Variants in WWOX observed in about 807,000 individuals in gnomAD.
WWOX encodes the protein WW domain containing oxidoreductase.
In WWOX, 69 loss-of-function variants were observed where a neutral mutation model predicts 46.2. That is an observed-to-expected ratio of 1.49 (90% CI 1.23 to 1.82). The LOEUF (loss-of-function observed/expected upper bound fraction) is 1.82, where lower values mean the gene tolerates loss of function less well. Ranked by LOEUF, WWOX falls within the 40% of genes most tolerant of loss-of-function variation. The probability of loss-of-function intolerance (pLI) is 0.00; values close to 1 mark genes in which losing one functional copy is unlikely to be tolerated. For missense variants in WWOX, 919 were observed against 542.6 expected, an observed-to-expected ratio of 1.69 and a Z score of -6.89; for synonymous variants, 359 against 202.6, an observed-to-expected ratio of 1.77 and a Z score of -6.56.
At chr16:78,461,105 T>C (rs140362990) in intron 8 of WWOX, among the ~76,000 whole-genome samples, 11 of 152,350 alleles carry the variant, frequency 7.2e-5, no homozygotes, top group Admixed American at 7.2e-4. Flanking sequence ...ATAACAAAAG[T>C]GCAGAATTCC....
intron 5 of WWOX, among the ~76,000 whole-genome samples, chr16:78,368,791 C>T (rs535418291): frequency 6.6e-6 from 1 of 152,122 alleles, no homozygotes; most frequent in South Asian, 2.1e-4. Context: ...TTCATTTGTC[C>T]CATTGGGCCA....
intron 5 of WWOX, among the ~76,000 whole-genome samples, chr16:78,177,456 G>A (rs889786159): frequency 6.6e-6 from 1 of 152,156 alleles, no homozygotes; most frequent in Non-Finnish European, 1.5e-5. Context: ...GTCTCCCCAC[G>A]TGCTTTAAAG....
intron 5 of WWOX, among the ~76,000 whole-genome samples, chr16:78,227,859 G>A (rs565027365): frequency 1.7e-3 from 258 of 152,270 alleles, no homozygotes; most frequent in African/African-American, 5.7e-3. Context: ...CTGGGTGACA[G>A]AGCGAAACTC....
At chr16:79,066,838 T>C (rs2048450998) in intron 8 of WWOX, among the ~76,000 whole-genome samples, 1 of 152,196 alleles carries the variant, frequency 6.6e-6, no homozygotes, top group African/African-American at 2.4e-5. Flanking sequence ...TTTTCCAGTT[T>C]AACTTTCTCA....
chr16:78,234,205 A>C lies in WWOX; in HGVS notation c.516+69916A>C, dbSNP rs114726438. Among the ~76,000 whole-genome samples, 143 of 152,180 alleles carry C rather than the reference A, an allele frequency of 9.4e-4. 1 individual carries two copies. The highest frequency in any genetic ancestry group is 3.2e-3 in the African/African-American group (132 of 41,522). ...TTTAAAAACCTTTGTGAATGTTAATATACAGCCTTTATAAATTTGAGGTAT... is the reference window on the plus strand; with the variant it reads ...TTTAAAAACCTTTGTGAATGTTAATCTACAGCCTTTATAAATTTGAGGTAT... On this transcript the variant is annotated intron_variant, in intron 5 of 8. Coordinates refer to ENST00000566780, the MANE Select transcript of WWOX (RefSeq NM_016373.4).
chr16:78,802,744 C>T (rs374866234), intron 8 of WWOX, among the ~76,000 whole-genome samples: 3 of 150,806 alleles, frequency 2.0e-5, no homozygotes, highest in Non-Finnish European at 3.0e-5. Flanking sequence ...GGTGAAGCCC[C>T]GTCTCTACTA....
In WWOX at chr16:78,522,893, A is replaced by T. The variant is rs536928297; in HGVS notation, c.1056+90141A>T. ...TTGAGACCAGCCTGGCCAACATGGT[A>T]AAATCCCGTCTCCACTAAAAATACA... On this transcript the variant is annotated intron_variant, in intron 8 of 8. Coordinates refer to ENST00000566780, the MANE Select transcript of WWOX (RefSeq NM_016373.4). Among the ~76,000 whole-genome samples, 152 of 152,250 alleles carry T rather than the reference A, an allele frequency of 1.0e-3. 1 individual carries two copies. Among genetic ancestry groups the T allele is most frequent in the Middle Eastern group, 6.8e-3 (2 of 294 alleles).
intron 8 of WWOX, among the ~76,000 whole-genome samples, chr16:79,141,059 A>G (rs2050079645): frequency 6.6e-6 from 1 of 152,206 alleles, no homozygotes; most frequent in Non-Finnish European, 1.5e-5. Context: ...CTAAAGGGAA[A>G]AGTCAAGCTG....
At chr16:78,581,963 A>G (rs2045067273) in intron 8 of WWOX, among the ~76,000 whole-genome samples, 2 of 152,200 alleles carry the variant, frequency 1.3e-5, no homozygotes, top group Admixed American at 1.3e-4. Flanking sequence ...GTGAAAATTG[A>G]CAAATATGTC....
intron 8 of WWOX, among the ~76,000 whole-genome samples, chr16:78,711,939 G>A (rs2048452911): frequency 6.6e-6 from 1 of 152,148 alleles, no homozygotes; most frequent in South Asian, 2.1e-4. Context: ...AAAGGAAAGA[G>A]CATCTCTTTC....
rs557362065 is a variant in WWOX, at chr16:79,084,575, C to T, written c.1057-127033C>T. Among the ~76,000 whole-genome samples, 216 of 152,148 alleles carry T rather than the reference C, an allele frequency of 1.4e-3. 2 individuals carry two copies. The highest frequency in any genetic ancestry group is 4.8e-3 in the African/African-American group (198 of 41,506). ...GACTACAGGTGCATGCCACCACGCC[C>T]GGCTACTTTTTGTATTTTCAGTAAA... On this transcript the variant is annotated intron_variant, in intron 8 of 8. Transcript: ENST00000566780.
At chr16:78,101,363 T>TTTTTTTAA (rs1555533361) in intron 1 of WWOX, among the ~76,000 whole-genome samples, 1 of 143,422 alleles carries the variant, frequency 7.0e-6, no homozygotes, top group African/African-American at 2.5e-5. Context: ...TTTTTTTTTT[T>TTTTTTTAA]AAAGACAGGG....
chr16:78,825,231 A>G (rs896980688), intron 8 of WWOX: 2 of 230,510 alleles, frequency 8.7e-6, no homozygotes, highest in Non-Finnish European at 1.8e-5. Flanking sequence ...CTCTAGTGAG[A>G]TCTAAGAGAG....
At chr16:78,353,255 C>G (rs1305219951) in intron 5 of WWOX, among the ~76,000 whole-genome samples, 1 of 152,054 alleles carries the variant, frequency 6.6e-6, no homozygotes, top group Admixed American at 6.6e-5. Flanking sequence ...TATAATACCT[C>G]AAGAGAAAAA....
At position 78,853,845 on chromosome 16, in the gene WWOX, A is replaced by T. The variant is rs186196448; in HGVS notation, c.1057-357763A>T. Among the ~76,000 whole-genome samples, 36 of 152,260 alleles carry T rather than the reference A, an allele frequency of 2.4e-4. No homozygotes were observed. The East Asian group carries it at 6.6e-3, about 28-fold the overall frequency. ...TTAATAGCGAAGCCCTCAGCAATAGATCTTCAGGTAAAATGGATGCTGACT... is the reference window on the plus strand; with the variant it reads ...TTAATAGCGAAGCCCTCAGCAATAGTTCTTCAGGTAAAATGGATGCTGACT... On this transcript the variant is annotated intron_variant, in intron 8 of 8. Coordinates refer to ENST00000566780, the MANE Select transcript of WWOX (RefSeq NM_016373.4).
At chr16:78,240,084 G>A (rs1201771992) in intron 5 of WWOX, among the ~76,000 whole-genome samples, 1 of 152,110 alleles carries the variant, frequency 6.6e-6, no homozygotes, top group African/African-American at 2.4e-5. Flanking sequence ...AACGTTATAT[G>A]GAAACAGGGT....
intron 5 of WWOX, among the ~76,000 whole-genome samples, chr16:78,302,801 A>T (rs1049233688): frequency 5.3e-5 from 8 of 152,182 alleles, no homozygotes; most frequent in Non-Finnish European, 1.2e-4. Flanking sequence ...TTGGTTCCTA[A>T]GAGTTTTAGG....
chr16:78,499,280 A>C (rs959009698), intron 8 of WWOX, among the ~76,000 whole-genome samples: 1 of 152,060 alleles, frequency 6.6e-6, no homozygotes, highest in East Asian at 1.9e-4. Flanking sequence ...CGATGTTCTT[A>C]TGTGTGTGGC....
rs545817741 is a variant in WWOX, at chr16:78,467,980, A to G, written c.1056+35228A>G. On this transcript the variant is annotated intron_variant, in intron 8 of 8. Transcript: ENST00000566780. The stretch of plus-strand genomic sequence containing the variant: ...TCTGACATCTGTTGACAAATGGGCA[A>G]TCTTGGGGATGGGGGGTTCCACTGG... Among the ~76,000 whole-genome samples, 59 of 152,196 alleles carry G rather than the reference A, an allele frequency of 3.9e-4. No homozygotes were observed. The Middle Eastern group carries it at 0.014, about 35-fold the overall frequency.
Sources: allele counts gnomAD v4.1 joint callset (sites outside exome capture counted in the v4.1 genomes callset), GRCh38; gene constraint gnomAD v4.1.1; transcripts MANE v1.5; gene names NCBI Gene and HGNC (gene_info 2026-07-23, HGNC 2026-07-21).